TRABD2B: variants seen among roughly 807,000 people sequenced by gnomAD.
The protein encoded by TRABD2B is metalloprotease TIKI2.
TRABD2B carries 14 observed loss-of-function variants against 40.1 expected under a neutral mutation model. That is an observed-to-expected ratio of 0.35 (90% CI 0.23 to 0.55). The LOEUF is 0.55. Among genes scored for constraint, TRABD2B ranks in the 20% least tolerant of loss-of-function variants. TRABD2B has a pLI of 0.90. For synonymous variants in TRABD2B, 263 were observed against 277.0 expected (o/e 0.95, Z 0.50); for missense variants, 541 against 648.6 (o/e 0.83, Z 1.80).
Position 47,994,392 on chromosome 1 carries a change from A to AGCAGCTG in TRABD2B, c.301_307dup (p.Leu103ProfsTer48). On this transcript the variant is annotated frameshift_variant, in exon 2 of 7. Transcript: ENST00000606738. LOFTEE classifies it high-confidence loss of function. The surrounding 1 kb of genome is among the most constrained non-coding windows in gnomAD (Gnocchi z 6.7). ...GTCCTGCAGGTTTTCCCCGTGCGGCAGCAGCTGGCAGCTGGCCAGGGCCGA... is the reference window on the plus strand; with the variant it reads ...GTCCTGCAGGTTTTCCCCGTGCGGCAGCAGCTGGCAGCTGGCAGCTGGCCAGGGCCGA... 1.3e-6 allele frequency: 2 copies of AGCAGCTG among 1,536,184 alleles called. No homozygotes were observed. Among genetic ancestry groups the AGCAGCTG allele is most frequent in the Non-Finnish European group, 1.7e-6 (2 of 1,146,926 alleles).
intron 2 of TRABD2B, among the ~76,000 whole-genome samples, chr1:47,941,520 C>T (rs1258118914): frequency 1.3e-5 from 2 of 152,230 alleles, no homozygotes; most frequent in African/African-American, 4.8e-5. Flanking sequence ...ACATTGAGAA[C>T]TGGGAAACCT....
intron 2 of TRABD2B, among the ~76,000 whole-genome samples, chr1:47,890,076 C>T (rs1644424056): frequency 6.6e-6 from 1 of 152,234 alleles, no homozygotes; most frequent in African/African-American, 2.4e-5. Context: ...CACCCACCTG[C>T]TGTGACAGTC....
At chr1:47,941,155 C>T (rs537289700) in intron 2 of TRABD2B, among the ~76,000 whole-genome samples, 1 of 152,312 alleles carries the variant, frequency 6.6e-6, no homozygotes, top group East Asian at 1.9e-4. Context: ...ACTCCTCATC[C>T]TAACCAAGGA....
chr1:47,904,335 C>T (rs1356197863), intron 2 of TRABD2B, among the ~76,000 whole-genome samples: 1 of 152,118 alleles, frequency 6.6e-6, no homozygotes, highest in Non-Finnish European at 1.5e-5. Flanking sequence ...GCCCTGGGGG[C>T]TGAGAAGCAG....
At chr1:47,906,959 C>A (rs182666293) in intron 2 of TRABD2B, among the ~76,000 whole-genome samples, 1 of 152,240 alleles carries the variant, frequency 6.6e-6, no homozygotes, top group African/African-American at 2.4e-5. Context: ...CCAGTTTCAG[C>A]CCCTTCCCCG....
intron 2 of TRABD2B, among the ~76,000 whole-genome samples, chr1:47,954,363 T>C (rs1275222624): frequency 6.6e-6 from 1 of 152,048 alleles, no homozygotes; most frequent in Non-Finnish European, 1.5e-5. Context: ...TGGGCTGATA[T>C]CCATTTGGGA....
chr1:47,976,091 T>C (rs1388734425), intron 2 of TRABD2B, among the ~76,000 whole-genome samples: 1 of 152,204 alleles, frequency 6.6e-6, no homozygotes, highest in Admixed American at 6.5e-5. Context: ...TTTGCATTCT[T>C]GTCCCATCTC....
chr1:47,803,438 G>C (rs777920392), intron 2 of TRABD2B, among the ~76,000 whole-genome samples: 1 of 152,158 alleles, frequency 6.6e-6, no homozygotes, highest in South Asian at 2.1e-4. Flanking sequence ...TAGACTGCTG[G>C]ATGATGAGAG....
At chr1:47,961,691 A>G (rs946283381) in intron 2 of TRABD2B, among the ~76,000 whole-genome samples, 5 of 152,186 alleles carry the variant, frequency 3.3e-5, no homozygotes, top group Non-Finnish European at 7.4e-5. Flanking sequence ...TAGAATGGCG[A>G]TCATTAAAAA....
At chr1:47,788,938 G>A (rs1644633502) in intron 4 of TRABD2B, among the ~76,000 whole-genome samples, 1 of 152,142 alleles carries the variant, frequency 6.6e-6, no homozygotes, top group Non-Finnish European at 1.5e-5. Flanking sequence ...AAGATTTCTG[G>A]ATGGCTGAAC....
At chr1:47,848,485 A>C (rs1176977677) in intron 2 of TRABD2B, among the ~76,000 whole-genome samples, 1 of 152,212 alleles carries the variant, frequency 6.6e-6, no homozygotes, top group African/African-American at 2.4e-5. Flanking sequence ...AGTCACAGTC[A>C]TCATATCAGA....
At chr1:47,978,143 G>C (rs1253793317) in intron 2 of TRABD2B, among the ~76,000 whole-genome samples, 1 of 152,100 alleles carries the variant, frequency 6.6e-6, no homozygotes. Flanking sequence ...TCTTGAGAGC[G>C]GAGCCCACAT....
intron 2 of TRABD2B, among the ~76,000 whole-genome samples, chr1:47,877,939 A>G (rs1244526962): frequency 6.6e-6 from 1 of 151,498 alleles, no homozygotes; most frequent in Non-Finnish European, 1.5e-5. Context: ...AGTTGCAGTG[A>G]GCCCAAGAAC....
At chr1:47,883,662 T>C (rs1215308010) in intron 2 of TRABD2B, among the ~76,000 whole-genome samples, 2 of 152,162 alleles carry the variant, frequency 1.3e-5, no homozygotes, top group Admixed American at 1.3e-4. Flanking sequence ...CCCCAGTGCA[T>C]ATGTACTGTC....
At chr1:47,817,897 C>T (rs1391290974) in intron 2 of TRABD2B, among the ~76,000 whole-genome samples, 2 of 152,242 alleles carry the variant, frequency 1.3e-5, no homozygotes, top group African/African-American at 4.8e-5. Context: ...CCAGCTCCTC[C>T]ACCCCCGTTT....
intron 2 of TRABD2B, among the ~76,000 whole-genome samples, chr1:47,953,035 A>G (rs1645368185): frequency 6.6e-6 from 1 of 152,090 alleles, no homozygotes; most frequent in African/African-American, 2.4e-5. Context: ...TCCATGGGGC[A>G]ACTCAGCAAT....
intron 2 of TRABD2B, among the ~76,000 whole-genome samples, chr1:47,992,393 T>C (rs549646355): frequency 1.3e-5 from 2 of 152,202 alleles, no homozygotes; most frequent in East Asian, 1.9e-4. Flanking sequence ...CAAAGAAAGA[T>C]AGTTTTGTTG....
intron 2 of TRABD2B, among the ~76,000 whole-genome samples, chr1:47,849,883 G>C (rs1645524106): frequency 6.6e-6 from 1 of 152,216 alleles, no homozygotes; most frequent in Admixed American, 6.5e-5. Context: ...GCCCAAAGTA[G>C]AATCCCCTGA....
At chr1:47,884,647 T>G (rs1163261899) in intron 2 of TRABD2B, among the ~76,000 whole-genome samples, 3 of 152,174 alleles carry the variant, frequency 2.0e-5, no homozygotes, top group Non-Finnish European at 4.4e-5. Flanking sequence ...AGAGTCTCGC[T>G]CTGTCGCCCA....
Sources: allele counts gnomAD v4.1 joint callset (sites outside exome capture counted in the v4.1 genomes callset), GRCh38; gene constraint gnomAD v4.1.1; non-coding constraint Gnocchi (gnomAD v3.1); transcripts MANE v1.5; gene names NCBI Gene and HGNC (gene_info 2026-07-23, HGNC 2026-07-21).